Variants in MIB1 observed in about 807,000 individuals in gnomAD.
MIB1 encodes E3 ubiquitin-protein ligase MIB1.
A neutral mutation model predicts 124.5 loss-of-function variants in MIB1; 278 were observed. That is an observed-to-expected ratio of 2.23 (90% CI 2.02 to 2.47). The LOEUF is 2.47. Ranked by LOEUF, MIB1 falls within the 30% of genes most tolerant of loss-of-function variation. The pLI is 0.00. For synonymous variants in MIB1, 446 were observed against 429.4 expected (o/e 1.04, Z -0.48); for missense variants, 957 against 1,254.4 (o/e 0.76, Z 3.58).
chr18:21,781,003 C>T (rs67555232), intron 6 of MIB1, among the ~76,000 whole-genome samples: 33,333 of 152,108 alleles, frequency 0.22, 3,959 homozygotes, highest in South Asian at 0.39. Context: ...CAACAGTCTA[C>T]AGGTGTTCCC....
At chr18:21,726,532 C>T (rs1256862297) in intron 1 of MIB1, among the ~76,000 whole-genome samples, 1 of 152,114 alleles carries the variant, frequency 6.6e-6, no homozygotes. Flanking sequence ...TTCTATGTCC[C>T]TCATCATGCC....
chr18:21,805,003 A>AAATT (rs1203826952), intron 10 of MIB1, among the ~76,000 whole-genome samples: 10 of 152,030 alleles, frequency 6.6e-5, no homozygotes, highest in East Asian at 5.8e-4. Context: ...AAATAACTTG[A>AAATT]AATTAATTAA....
In MIB1 at chr18:21,781,407, A is replaced by G. The variant is rs1240630402; in HGVS notation, c.908+1722A>G. On this transcript the variant is annotated intron_variant, in intron 6 of 20. Coordinates refer to ENST00000261537, the MANE Select transcript of MIB1 (RefSeq NM_020774.4). ...TATATATATATATATATATATATAT[A>G]TATATATAAAATTATTATTATTATT... Among the ~76,000 whole-genome samples, 7 of 82,096 alleles carry G rather than the reference A, an allele frequency of 8.5e-5. No homozygotes were observed. The East Asian group carries it at 1.7e-3, about 20-fold the overall frequency. The allele number at this position is 82,096 out of a possible 152,430, so 53.9% of individuals were successfully genotyped here. A position where few individuals can be genotyped will look rare whatever the true frequency, so the allele number is the denominator to read the frequency against.
intron 1 of MIB1, among the ~76,000 whole-genome samples, chr18:21,742,276 CT>C (rs573203298): frequency 0.12 from 16,810 of 136,664 alleles, 991 homozygotes; most frequent in Non-Finnish European, 0.14. Context: ...GTGGAGATGC[CT>C]TTTTTTTTTT....
intron 9 of MIB1, among the ~76,000 whole-genome samples, chr18:21,803,498 T>C (rs1290053148): frequency 6.6e-6 from 1 of 152,236 alleles, no homozygotes; most frequent in East Asian, 1.9e-4. Context: ...TTTTGTTGAA[T>C]TGAATTTATT....
intron 1 of MIB1, among the ~76,000 whole-genome samples, chr18:21,705,724 T>C (rs2040619518): frequency 6.6e-6 from 1 of 152,140 alleles, no homozygotes; most frequent in Non-Finnish European, 1.5e-5. Context: ...GGACCAGAAG[T>C]GAGCAATTTA....
intron 1 of MIB1, among the ~76,000 whole-genome samples, chr18:21,712,518 G>A (rs1294380661): frequency 6.6e-6 from 1 of 152,182 alleles, no homozygotes; most frequent in East Asian, 1.9e-4. Context: ...CCCAGAGAAA[G>A]CCACATAGCA....
intron 12 of MIB1, chr18:21,830,654 G>A (rs1305242956): frequency 2.6e-5 from 4 of 152,128 alleles, no homozygotes; most frequent in Non-Finnish European, 5.9e-5. Context: ...TTTGCAGCAG[G>A]AAGAAAGGTA....
Position 21,791,407 on chromosome 18 carries a change from G to A in MIB1, c.942G>A (p.Ala314=), listed in dbSNP as rs777374889. The part of the protein sequence containing the change: ...WTFNPAVLTK[A]NIVRSGDAAQ... Reference sequence around the variant, plus strand: ...TCAATCCTGCTGTTCTCACTAAAGCGAACATTGTCCGAAGTGGAGATGCTG... The same window carrying A: ...TCAATCCTGCTGTTCTCACTAAAGCAAACATTGTCCGAAGTGGAGATGCTG... The change falls in exon 7 of 21, where the codon GCG becomes GCA. Residue 314 remains alanine, a synonymous_variant. Coordinates refer to ENST00000261537, the MANE Select transcript of MIB1 (RefSeq NM_020774.4). 1.4e-5 allele frequency: 23 copies of A among 1,613,390 alleles called. No individual in the cohort carries two copies. Among genetic ancestry groups the A allele is most frequent in the Admixed American group, 1.2e-4 (7 of 59,952 alleles).
chr18:21,786,119 CAG>C (rs749336682), intron 6 of MIB1, among the ~76,000 whole-genome samples: 1 of 151,210 alleles, frequency 6.6e-6, no homozygotes, highest in Non-Finnish European at 1.5e-5. Flanking sequence ...TTTTTTGAGA[CAG>C]AGTCTCTCTC....
At chr18:21,774,733 T>G (rs535944493) in intron 4 of MIB1, among the ~76,000 whole-genome samples, 109 of 152,160 alleles carry the variant, frequency 7.2e-4, no homozygotes, top group Middle Eastern at 6.8e-3. Flanking sequence ...AAAAATCAAC[T>G]GTCTATGTTC....
chr18:21,726,954 G>T (rs867790136), intron 1 of MIB1, among the ~76,000 whole-genome samples: 1 of 152,100 alleles, frequency 6.6e-6, no homozygotes, highest in Non-Finnish European at 1.5e-5. Flanking sequence ...AGTTCTGGGG[G>T]ATTACATCCT....
intron 10 of MIB1, among the ~76,000 whole-genome samples, chr18:21,814,206 G>C (rs2041804506): frequency 6.6e-6 from 1 of 152,054 alleles, no homozygotes. Context: ...TGGAATTTTT[G>C]ATATATGGAA....
At chr18:21,820,012 T>G (rs2041864787) in intron 12 of MIB1, among the ~76,000 whole-genome samples, 1 of 152,202 alleles carries the variant, frequency 6.6e-6, no homozygotes, top group Non-Finnish European at 1.5e-5. Context: ...TTTTAAAACT[T>G]AAGACTAAAT....
intron 15 of MIB1, among the ~76,000 whole-genome samples, chr18:21,846,146 A>G (rs543485907): frequency 2.6e-5 from 4 of 152,264 alleles, no homozygotes; most frequent in African/African-American, 9.6e-5. Context: ...TTATTTGACT[A>G]TTCTAAGTCC....
At chr18:21,735,782 C>A (rs182910673) in intron 1 of MIB1, among the ~76,000 whole-genome samples, 1 of 152,206 alleles carries the variant, frequency 6.6e-6, no homozygotes, top group Non-Finnish European at 1.5e-5. Context: ...GGTGGAGGCC[C>A]TCTGCAACTC....
chr18:21,841,856 T>G (rs2042092322), intron 13 of MIB1, among the ~76,000 whole-genome samples: 1 of 151,782 alleles, frequency 6.6e-6, no homozygotes. Flanking sequence ...TTGTGCAAAT[T>G]GTGGTGCACC....
At position 21,745,655 on chromosome 18, in the gene MIB1, T is replaced by C. The variant is rs533205742; in HGVS notation, c.229+3843T>C. On this transcript the variant is annotated intron_variant, in intron 1 of 20. Coordinates refer to ENST00000261537, the MANE Select transcript of MIB1 (RefSeq NM_020774.4). ...ATGTTCTGTGATTAAACCTACCCCA[T>C]GGTGAGTGCATAGGTGTTAAACACA... Among the ~76,000 whole-genome samples the C allele has an allele frequency of 7.4e-5, 11 of 149,002 alleles. No individual in the cohort carries two copies. In the East Asian group the frequency reaches 2.0e-3, roughly 27 times the overall value.
chr18:21,762,608 G>A (rs938196590), intron 1 of MIB1, among the ~76,000 whole-genome samples: 4 of 152,134 alleles, frequency 2.6e-5, no homozygotes, highest in Admixed American at 6.5e-5. Flanking sequence ...ATCCTAGGAA[G>A]CAGCTGGGTG....
Sources: allele counts gnomAD v4.1 joint callset (sites outside exome capture counted in the v4.1 genomes callset), GRCh38; gene constraint gnomAD v4.1.1; transcripts MANE v1.5; gene names NCBI Gene and HGNC (gene_info 2026-07-23, HGNC 2026-07-21).